MEF2C: variants seen among roughly 807,000 people sequenced by gnomAD.
MEF2C encodes the protein myocyte-specific enhancer factor 2C.
Under a neutral mutation model 50.5 loss-of-function variants are expected in MEF2C, and 6 were observed. The observed-to-expected ratio is 0.12, with a 90% confidence interval of 0.07 to 0.23. MEF2C has a LOEUF of 0.23. MEF2C is among the 10% of genes least tolerant of loss of function. The pLI, the probability that MEF2C is intolerant of heterozygous loss-of-function variation, is 1.00. For missense variants in MEF2C, 276 were observed against 605.0 expected, an observed-to-expected ratio of 0.46 and a Z score of 5.70; for synonymous variants, 183 against 228.0, an observed-to-expected ratio of 0.80 and a Z score of 1.78.
chr5:88,851,519 C>G (rs996210737), intron 1 of MEF2C, among the ~76,000 whole-genome samples: 5 of 152,110 alleles, frequency 3.3e-5, no homozygotes, highest in Non-Finnish European at 5.9e-5. Context: ...ATTTTGATGT[C>G]AATCAACCTG....
chr5:88,856,085 G>A (rs1393215347), intron 1 of MEF2C, among the ~76,000 whole-genome samples: 1 of 152,192 alleles, frequency 6.6e-6, no homozygotes, highest in African/African-American at 2.4e-5. Flanking sequence ...AATCCAGGCT[G>A]AGGTGGTCTC....
chr5:88,864,609 T>G (rs1480375475), intron 1 of MEF2C, among the ~76,000 whole-genome samples: 3 of 151,812 alleles, frequency 2.0e-5, no homozygotes, highest in Non-Finnish European at 4.4e-5. Flanking sequence ...TTTATATATT[T>G]AGAGACCAGG....
rs546255870 is a variant in MEF2C, at chr5:88,735,857, C to T, written c.638-3956G>A. 1.6e-4 allele frequency: 157 copies of T among 985,408 alleles called. 5 individuals are homozygous for T. In the South Asian group the frequency reaches 6.4e-3, roughly 40 times the overall value. The allele number at this position is 985,408 out of a possible 1,614,324, so 61.0% of individuals were successfully genotyped here. On this transcript the variant is annotated intron_variant, in intron 6 of 10. Coordinates refer to ENST00000504921, the MANE Select transcript of MEF2C (RefSeq NM_002397.5). ...ACAGAGCTCACTTGAACATGTAGCT[C>T]TCTTTGAGCTCAAAGTTCTGAAACT...
chr5:88,889,614 G>C (rs1834318680), intron 1 of MEF2C: 1 of 154,354 alleles, frequency 6.5e-6, no homozygotes, highest in African/African-American at 2.4e-5. Context: ...GAAGGAAGGG[G>C]GTGTGCCGAC....
chr5:88,791,356 AC>A (rs2152964782), intron 3 of MEF2C, among the ~76,000 whole-genome samples: 1 of 152,266 alleles, frequency 6.6e-6, no homozygotes, highest in East Asian at 1.9e-4. Context: ...AATAATGATG[AC>A]AAAATGGTAA....
chr5:88,863,950 T>A (rs913351596), intron 1 of MEF2C, among the ~76,000 whole-genome samples: 5 of 151,776 alleles, frequency 3.3e-5, no homozygotes. Flanking sequence ...GCCTCCTGAG[T>A]GGCAGGGATT....
intron 2 of MEF2C, among the ~76,000 whole-genome samples, chr5:88,820,843 A>C (rs1807995987): frequency 6.6e-6 from 1 of 152,008 alleles, no homozygotes; most frequent in Admixed American, 6.6e-5. Flanking sequence ...TCTTTCCCAA[A>C]TGACTCTTAC....
At chr5:88,734,560 A>ATTTTTTTTTTTTTTTTTTT (rs1228581437) in intron 6 of MEF2C, 2 of 527,184 alleles carry the variant, frequency 3.8e-6, no homozygotes, top group Non-Finnish European at 4.5e-6. Context: ...CCTTGAGAAA[A>ATTTTTTTTTTTTTTTTTTT]GTTTGTTTTT....
chr5:88,858,350 A>T (rs1361565511), intron 1 of MEF2C, among the ~76,000 whole-genome samples: 2 of 152,092 alleles, frequency 1.3e-5, no homozygotes, highest in African/African-American at 4.8e-5. Context: ...ATTTCAGGGG[A>T]CCCTTAAAGA....
upstream of MEF2C, among the ~76,000 whole-genome samples, chr5:88,884,771 G>A (rs1408023008): frequency 2.8e-5 from 4 of 143,852 alleles, no homozygotes; most frequent in African/African-American, 7.9e-5. Context: ...TTATGTTAAG[G>A]TTAAAGCATG....
chr5:88,900,058 C>T (rs1233978586), intron 1 of MEF2C, among the ~76,000 whole-genome samples: 1 of 151,948 alleles, frequency 6.6e-6, no homozygotes, highest in Non-Finnish European at 1.5e-5. Flanking sequence ...AGTACTGTTC[C>T]AAAGCCCAGG....
upstream of MEF2C, among the ~76,000 whole-genome samples, chr5:88,884,818 C>CT (rs1247917504): frequency 6.8e-6 from 1 of 146,002 alleles, no homozygotes; most frequent in African/African-American, 2.6e-5. Context: ...AAAAAAAAGG[C>CT]TTTAATATTT....
chr5:88,746,172 A>C (rs1318827265), intron 6 of MEF2C, among the ~76,000 whole-genome samples: 3 of 152,188 alleles, frequency 2.0e-5, no homozygotes, highest in South Asian at 2.1e-4. Context: ...AGTTAGCTTA[A>C]GGTTTTAAGA....
At chr5:88,777,401 A>C (rs928847156) in intron 3 of MEF2C, among the ~76,000 whole-genome samples, 7 of 152,184 alleles carry the variant, frequency 4.6e-5, no homozygotes, top group Admixed American at 3.9e-4. Flanking sequence ...AATGACTGCC[A>C]ATCTACAGAT....
At chr5:88,734,793 T>C in intron 6 of MEF2C, 1 of 980,218 alleles carries the variant, frequency 1.0e-6, no homozygotes. Context: ...GAATATTTCC[T>C]GTTATTTGGA....
intron 1 of MEF2C, among the ~76,000 whole-genome samples, chr5:88,828,174 T>C (rs1811683924): frequency 6.6e-6 from 1 of 151,920 alleles, no homozygotes; most frequent in African/African-American, 2.4e-5. Context: ...CCACAACACT[T>C]TGATTTAGAA....
At chr5:88,858,100 G>T (rs1037476965) in intron 1 of MEF2C, among the ~76,000 whole-genome samples, 2 of 152,088 alleles carry the variant, frequency 1.3e-5, no homozygotes, top group African/African-American at 4.8e-5. Flanking sequence ...TTGACAAATT[G>T]AGGCATTTCT....
rs1003043827 is a variant in MEF2C, at chr5:88,720,194, T to G, written c.*2410A>C. On this transcript the variant is annotated 3_prime_UTR_variant, in exon 11 of 11. Transcript: ENST00000504921. Reference sequence around the variant, plus strand: ...CAAGTCTATGGTGAGGAAAATGATTTTCTTATTTTATTCCCCTGTGCGTGT... The same window carrying G: ...CAAGTCTATGGTGAGGAAAATGATTGTCTTATTTTATTCCCCTGTGCGTGT... 3 of 152,098 alleles carry G rather than the reference T, an allele frequency of 2.0e-5. No homozygotes were observed. The highest frequency in any genetic ancestry group is 3.2e-3 in the Middle Eastern group (1 of 316). 9.4% of individuals were successfully genotyped at this position (152,098 alleles called of 1,614,324 possible).
At chr5:88,766,885 G>T in intron 3 of MEF2C, 1 of 925,088 alleles carries the variant, frequency 1.1e-6, no homozygotes. Context: ...CTCTGATCCT[G>T]AATCATTTTT....
Sources: allele counts gnomAD v4.1 joint callset (sites outside exome capture counted in the v4.1 genomes callset), GRCh38; gene constraint gnomAD v4.1.1; transcripts MANE v1.5; gene names NCBI Gene and HGNC (gene_info 2026-07-23, HGNC 2026-07-21).